IL23R: variants seen among roughly 807,000 people sequenced by gnomAD.
The protein encoded by IL23R is interleukin-23 receptor.
In IL23R, 34 loss-of-function variants were observed where a neutral mutation model predicts 56.9. The observed-to-expected ratio is 0.60, with a 90% confidence interval of 0.45 to 0.80. The LOEUF is 0.80. Among genes scored for constraint, IL23R ranks in the 30% least tolerant of loss-of-function variants. IL23R has a pLI of 0.00. For missense variants in IL23R, 635 were observed against 730.0 expected, an observed-to-expected ratio of 0.87 and a Z score of 1.50; for synonymous variants, 230 against 249.2, an observed-to-expected ratio of 0.92 and a Z score of 0.73.
intron 1 of IL23R, among the ~76,000 whole-genome samples, chr1:67,144,700 G>A (rs904666114): frequency 2.0e-5 from 3 of 151,998 alleles, no homozygotes; most frequent in African/African-American, 7.3e-5. Context: ...TAACTATGTG[G>A]GCTCTTTTTT....
At chr1:67,156,973 CA>C (rs1304621640) in intron 1 of IL23R, among the ~76,000 whole-genome samples, 1 of 152,124 alleles carries the variant, frequency 6.6e-6, no homozygotes, top group East Asian at 1.9e-4. Flanking sequence ...CTGTGGATTG[CA>C]AAAAATCCGT....
chr1:67,151,346 T>A (rs1345669207), intron 1 of IL23R, among the ~76,000 whole-genome samples: 2 of 152,252 alleles, frequency 1.3e-5, no homozygotes, highest in Admixed American at 6.5e-5. Flanking sequence ...ATTCTGGATA[T>A]TAGACCTTTG....
chr1:67,192,151 A>T (rs1218621521), intron 4 of IL23R, among the ~76,000 whole-genome samples: 1 of 152,232 alleles, frequency 6.6e-6, no homozygotes, highest in Non-Finnish European at 1.5e-5. Flanking sequence ...AACAGAGTTC[A>T]TTAGTTCCAG....
At chr1:67,140,290 A>G (rs1646624571) in intron 1 of IL23R, among the ~76,000 whole-genome samples, 1 of 151,984 alleles carries the variant, frequency 6.6e-6, no homozygotes, top group East Asian at 1.9e-4. Context: ...CTGTATGTCA[A>G]AAAAAGTCAT....
At chr1:67,226,377 A>G (rs964638887) in intron 7 of IL23R, among the ~76,000 whole-genome samples, 2 of 152,146 alleles carry the variant, frequency 1.3e-5, no homozygotes, top group African/African-American at 4.8e-5. Context: ...GGTGGCTCTT[A>G]GCGGGATAGA....
chr1:67,177,525 G>T (rs1404692717), intron 3 of IL23R, among the ~76,000 whole-genome samples: 1 of 152,014 alleles, frequency 6.6e-6, no homozygotes, highest in East Asian at 1.9e-4. Flanking sequence ...TTAGCCCTTT[G>T]TCAGATGAGT....
At chr1:67,168,396 T>G (rs1397856154) in intron 2 of IL23R, among the ~76,000 whole-genome samples, 1 of 152,206 alleles carries the variant, frequency 6.6e-6, no homozygotes, top group Non-Finnish European at 1.5e-5. Flanking sequence ...AAATTTCCCT[T>G]CTAGACAGCC....
intron 6 of IL23R, among the ~76,000 whole-genome samples, chr1:67,210,323 G>T (rs1649366705): frequency 6.6e-6 from 1 of 152,140 alleles, no homozygotes; most frequent in Admixed American, 6.6e-5. Context: ...AGGAACACTA[G>T]CCTGATTTAG....
At chr1:67,227,940 ATCTTTCTT>A (rs746969384) in intron 7 of IL23R, among the ~76,000 whole-genome samples, 1,597 of 37,008 alleles carry the variant, frequency 0.043, 79 homozygotes, top group South Asian at 0.068. Flanking sequence ...CAGAACAAAG[ATCTTTCTT>A]TCTTTCTTTC....
At chr1:67,158,826 G>A (rs931693158) in intron 1 of IL23R, among the ~76,000 whole-genome samples, 15 of 151,684 alleles carry the variant, frequency 9.9e-5, no homozygotes, top group African/African-American at 3.1e-4. Context: ...GATCATGGGG[G>A]CAGATTTTAC....
At chr1:67,210,708 C>T (rs551754601) in intron 6 of IL23R, among the ~76,000 whole-genome samples, 51 of 152,160 alleles carry the variant, frequency 3.4e-4, no homozygotes, top group African/African-American at 1.2e-3. Context: ...AATAATCCTC[C>T]CCCTGGCTTT....
intron 1 of IL23R, among the ~76,000 whole-genome samples, chr1:67,147,611 A>G (rs1375533874): frequency 2.0e-5 from 3 of 152,098 alleles, no homozygotes; most frequent in Admixed American, 1.3e-4. Flanking sequence ...GAGGCAGGAT[A>G]ATAGCTTAAA....
At chr1:67,254,316 G>A (rs1245349412) in intron 9 of IL23R, among the ~76,000 whole-genome samples, 1 of 151,968 alleles carries the variant, frequency 6.6e-6, no homozygotes, top group Admixed American at 6.6e-5. Context: ...TGATCTGCCT[G>A]TCTTTGCCTC....
intron 4 of IL23R, among the ~76,000 whole-genome samples, chr1:67,188,331 T>C (rs897582707): frequency 1.3e-5 from 2 of 152,304 alleles, no homozygotes; most frequent in East Asian, 1.9e-4. Context: ...CGACCTACAC[T>C]GAGTTGGCCA....
chr1:67,254,908 C>T (rs1459332332), intron 9 of IL23R, among the ~76,000 whole-genome samples: 2 of 152,104 alleles, frequency 1.3e-5, no homozygotes, highest in Non-Finnish European at 2.9e-5. Context: ...TTTCCAAAGC[C>T]CCACCCCACT....
chr1:67,217,705 G>A (rs1335445561), intron 6 of IL23R, among the ~76,000 whole-genome samples: 1 of 144,352 alleles, frequency 6.9e-6, no homozygotes, highest in African/African-American at 2.5e-5. Flanking sequence ...TATCTTTCAT[G>A]CAGAGTTTGA....
chr1:67,212,658 G>T (rs1253636470), intron 6 of IL23R, among the ~76,000 whole-genome samples: 1 of 150,848 alleles, frequency 6.6e-6, no homozygotes, highest in Non-Finnish European at 1.5e-5. Flanking sequence ...CAATCCTCCT[G>T]CCTCAGTCTC....
chr1:67,263,940 C>A (rs140516658), downstream of IL23R, among the ~76,000 whole-genome samples: 101 of 152,210 alleles, frequency 6.6e-4, 1 homozygote, highest in African/African-American at 2.3e-3. Flanking sequence ...TTGAAACAGA[C>A]CTTGGAGGTC....
chr1:67,150,587 C>A (rs1000649406), intron 1 of IL23R, among the ~76,000 whole-genome samples: 2 of 143,250 alleles, frequency 1.4e-5, no homozygotes, highest in African/African-American at 5.2e-5. Flanking sequence ...CATGTCCCTG[C>A]AAAGGACATG....
Sources: gnomAD v4.1 joint callset for allele counts (sites outside exome capture counted in the v4.1 genomes callset) on GRCh38, gnomAD v4.1.1 for gene constraint, MANE v1.5 for transcripts, NCBI Gene and HGNC (gene_info 2026-07-23, HGNC 2026-07-21) for gene names.